NFRKB: variants seen among roughly 807,000 people sequenced by gnomAD.
The protein encoded by NFRKB is nuclear factor related to kappa-B-binding protein.
Under a neutral mutation model 135.7 loss-of-function variants are expected in NFRKB, and 62 were observed. That is an observed-to-expected ratio of 0.46 (90% CI 0.37 to 0.56). The LOEUF (loss-of-function observed/expected upper bound fraction) is 0.56. NFRKB is among the 20% of genes least tolerant of loss of function. The probability of loss-of-function intolerance (pLI) is 0.00; values close to 1 mark genes in which losing one functional copy is unlikely to be tolerated. For missense variants in NFRKB, 1,545 were observed against 1,662.0 expected (o/e 0.93, Z 1.22); for synonymous variants, 678 against 635.6 (o/e 1.07, Z -1.00).
chr11:129,893,612 C>T (rs1420467779), intron 2 of NFRKB, among the ~76,000 whole-genome samples: 1 of 150,716 alleles, frequency 6.6e-6, no homozygotes, highest in African/African-American at 2.4e-5. Context: ...TGTTCTTTCA[C>T]AAAAGAAAAT....
chr11:129,888,795 G>A lies in NFRKB; in HGVS notation c.136C>T (p.Pro46Ser), dbSNP rs1458095212. Reference sequence around the variant, plus strand: ...CTGACAACATCAAAGAAGATCTCAGGCTAGGAGAAATAGGAAAAGTAAACA... The same window carrying A: ...CTGACAACATCAAAGAAGATCTCAGACTAGGAGAAATAGGAAAAGTAAACA... ...VSLPEDLLEDPEIFFDVVSLS... is the reference protein window; with the variant it reads ...VSLPEDLLEDSEIFFDVVSLS... The change falls in exon 4 of 27, where the codon CCT becomes TCT. Residue 46 changes from proline to serine, a missense_variant and splice_region_variant. Pro to Ser is a moderately conservative substitution (Grantham distance 74). Transcript: ENST00000682444. 1.2e-6 allele frequency: 2 copies of A among 1,608,654 alleles called. No individual in the cohort carries two copies. Among genetic ancestry groups the A allele is most frequent in the Non-Finnish European group, 1.7e-6 (2 of 1,176,388 alleles).
At chr11:129,890,079 G>C (rs573228647) in intron 3 of NFRKB, among the ~76,000 whole-genome samples, 2 of 147,824 alleles carry the variant, frequency 1.4e-5, no homozygotes, top group South Asian at 4.3e-4. Context: ...GCTAGATCAA[G>C]GACAGGGAGG....
Position 129,886,312 on chromosome 11 carries a change from C to T in NFRKB, c.465+5G>A. ...ATTTTATATCCAGTTCCCAGCACTACTTACACTCCGGGAAGCAAGAATTTG... is the reference window on the plus strand; with the variant it reads ...ATTTTATATCCAGTTCCCAGCACTATTTACACTCCGGGAAGCAAGAATTTG... On this transcript the variant is annotated splice_donor_5th_base_variant and intron_variant, in intron 5 of 26. Transcript: ENST00000682444. 1.2e-6 allele frequency: 2 copies of T among 1,613,884 alleles called. No individual in the cohort carries two copies. The highest frequency in any genetic ancestry group is 1.7e-6 in the Non-Finnish European group (2 of 1,179,858).
intron 24 of NFRKB, among the ~76,000 whole-genome samples, chr11:129,868,727 T>G (rs1948336721): frequency 1.3e-5 from 2 of 152,172 alleles, no homozygotes; most frequent in East Asian, 1.9e-4. Flanking sequence ...ATCAAGACAT[T>G]TCTAAAAAAT....
Position 129,881,528 on chromosome 11 carries a change from T to A in NFRKB, c.1319-20A>T. Reference sequence around the variant, plus strand: ...GAACAGCTGCAAGAAATGGACCACATAAACAAACCATACAGGTGCGTCCCT... The same window carrying A: ...GAACAGCTGCAAGAAATGGACCACAAAAACAAACCATACAGGTGCGTCCCT... On this transcript the variant is annotated intron_variant, in intron 12 of 26. Coordinates refer to ENST00000682444, the MANE Select transcript of NFRKB (RefSeq NM_001143835.2). The A allele has an allele frequency of 6.2e-7, 1 of 1,613,922 alleles. No homozygotes were observed. Among genetic ancestry groups the A allele is most frequent in the Non-Finnish European group, 8.5e-7 (1 of 1,179,936 alleles).
rs537612339 is a variant in NFRKB at position 129,893,639 on chromosome 11, T to C, written c.-22+720A>G. 2.1e-4 allele frequency among the ~76,000 whole-genome samples: 32 copies of C among 152,136 alleles called. No individual in the cohort carries two copies. The South Asian group carries it at 5.6e-3, about 27-fold the overall frequency. On this transcript the variant is annotated intron_variant, in intron 2 of 26. Transcript: ENST00000682444. Reference sequence around the variant, plus strand: ...AAAGAAAATTTGCTGAAAATCAACATACACTAGTAAAATGCAAATGCTAAC... The same window carrying C: ...AAAGAAAATTTGCTGAAAATCAACACACACTAGTAAAATGCAAATGCTAAC...
chr11:129,887,598 GAA>G (rs1187052469), intron 4 of NFRKB, among the ~76,000 whole-genome samples: 8 of 152,138 alleles, frequency 5.3e-5, no homozygotes, highest in Non-Finnish European at 1.5e-5. Context: ...TTCGTGTACT[GAA>G]AGACAAAAAC....
rs1948681549 is a variant in NFRKB, at chr11:129,874,717, A to G, written c.1978+76T>C. On this transcript the variant is annotated intron_variant, in intron 19 of 26. Transcript: ENST00000682444. The surrounding 1 kb of genome is among the most constrained non-coding windows in gnomAD (Gnocchi z 4.5). ...CTTGTCCTACCTATATGCCAATGAA[A>G]AGAATAATGGAATTGGGGTAGAAAG... 1 of 1,610,956 alleles carries G rather than the reference A, an allele frequency of 6.2e-7. No homozygotes were observed. The highest frequency in any genetic ancestry group is 8.5e-7 in the Non-Finnish European group (1 of 1,177,528).
intron 13 of NFRKB, among the ~76,000 whole-genome samples, chr11:129,879,556 T>C (rs1035954756): frequency 1.3e-5 from 2 of 152,188 alleles, no homozygotes; most frequent in African/African-American, 4.8e-5. Flanking sequence ...CTGAATCTTT[T>C]AGGAACTATG....
intron 15 of NFRKB, among the ~76,000 whole-genome samples, 162 bp downstream of exon 15, chr11:129,878,147 G>A (rs529222461): frequency 5.9e-5 from 9 of 152,214 alleles, no homozygotes; most frequent in East Asian, 3.9e-4. Context: ...AAGGAGTCCC[G>A]TTCACTCAGG....
chr11:129,876,643 G>T, intron 17 of NFRKB, 78 bp downstream of exon 17: 1 of 1,512,432 alleles, frequency 6.6e-7, no homozygotes, highest in Non-Finnish European at 9.0e-7. Flanking sequence ...GGTAAGGAGA[G>T]GACAGAGTTC....
chr11:129,879,986 A>G (rs1246274178), intron 13 of NFRKB, among the ~76,000 whole-genome samples: 2 of 152,164 alleles, frequency 1.3e-5, no homozygotes, highest in Admixed American at 1.3e-4. Flanking sequence ...CAGGAGTTCA[A>G]GACTAGCCTG....
intron 7 of NFRKB, among the ~76,000 whole-genome samples, chr11:129,884,470 C>T (rs908781463): frequency 2.6e-5 from 4 of 152,206 alleles, no homozygotes; most frequent in Non-Finnish European, 4.4e-5. Flanking sequence ...TACCGCACTG[C>T]CCCTTCGTAC....
rs775994014 is a variant in NFRKB, at chr11:129,865,985, T to C, written c.3532-2A>G. Reference sequence around the variant, plus strand: ...TGTGATCCGTGTAGGCAACTTCCCCTAGAAAAAAAAAGCAGTCAGGTTTTG... The same window carrying C: ...TGTGATCCGTGTAGGCAACTTCCCCCAGAAAAAAAAAGCAGTCAGGTTTTG... On this transcript the variant is annotated splice_acceptor_variant, in intron 24 of 26. Transcript: ENST00000682444. LOFTEE classifies it high-confidence loss of function. The C allele has an allele frequency of 9.6e-6, 15 of 1,569,566 alleles. No homozygotes were observed. The highest frequency in any genetic ancestry group is 1.3e-5 in the Non-Finnish European group (15 of 1,160,076).
intron 4 of NFRKB, chr11:129,888,255 A>C: frequency 1.7e-6 from 1 of 587,034 alleles, no homozygotes. Context: ...GATACGTGCA[A>C]TAAAGCAAAT....
chr11:129,882,048 A>G (rs748558126), intron 11 of NFRKB, 38 bp downstream of exon 11: 1 of 1,547,588 alleles, frequency 6.5e-7, no homozygotes, highest in South Asian at 1.2e-5. Flanking sequence ...AACACTTTGA[A>G]AACTCTAATG....
intron 6 of NFRKB, 123 bp from the exon 7 acceptor site, chr11:129,884,969 A>G (rs1949205030): frequency 2.1e-6 from 3 of 1,445,970 alleles, no homozygotes; most frequent in East Asian, 2.4e-5. Flanking sequence ...GGGTTCCACA[A>G]TCCTTTCTGA....
chr11:129,868,705 C>G (rs1948335228), intron 24 of NFRKB, among the ~76,000 whole-genome samples: 4 of 152,186 alleles, frequency 2.6e-5, no homozygotes, highest in African/African-American at 7.2e-5. Context: ...CTGTGTATGG[C>G]CTAGAACGAC....
chr11:129,869,214 T>C (rs1948370204), intron 24 of NFRKB, among the ~76,000 whole-genome samples: 1 of 152,212 alleles, frequency 6.6e-6, no homozygotes, highest in Non-Finnish European at 1.5e-5. Context: ...TGCACTGTTC[T>C]TTACCATTTG....
Sources: gnomAD v4.1 joint callset for allele counts (sites outside exome capture counted in the v4.1 genomes callset) on GRCh38, gnomAD v4.1.1 for gene constraint, Gnocchi (gnomAD v3.1) non-coding constraint, MANE v1.5 for transcripts, NCBI Gene and HGNC (gene_info 2026-07-23, HGNC 2026-07-21) for gene names.